The following RBFOX3 variants were observed in gnomAD, a reference collection of about 807,000 sequenced individuals.
RBFOX3 encodes the protein RNA binding protein fox-1 homolog 3.
In RBFOX3, 17 loss-of-function variants were observed where a neutral mutation model predicts 48.7. The observed-to-expected ratio is 0.35, with a 90% confidence interval of 0.24 to 0.52. RBFOX3 has a LOEUF of 0.52. Ranked by LOEUF, RBFOX3 falls within the 20% of genes least tolerant of loss-of-function variation. RBFOX3 has a pLI of 0.94. For missense variants in RBFOX3, 382 were observed against 497.5 expected, an observed-to-expected ratio of 0.77 and a Z score of 2.21; for synonymous variants, 212 against 209.5, an observed-to-expected ratio of 1.01 and a Z score of -0.10.
intron 1 of RBFOX3, among the ~76,000 whole-genome samples, chr17:79,503,452 T>C (rs4790063): frequency 0.61 from 92,485 of 152,118 alleles, 28,572 homozygotes; most frequent in South Asian, 0.66. Flanking sequence ...GTATTTAACG[T>C]AATATATTCA....
intron 4 of RBFOX3, among the ~76,000 whole-genome samples, chr17:79,117,149 C>T (rs959970705): frequency 1.3e-5 from 2 of 152,242 alleles, no homozygotes; most frequent in African/African-American, 2.4e-5. Context: ...CCAGGACCCC[C>T]TGAGCAGGCG....
At chr17:79,466,945 A>G (rs113653237) in intron 2 of RBFOX3, among the ~76,000 whole-genome samples, 4,525 of 152,274 alleles carry the variant, frequency 0.03, 223 homozygotes, top group African/African-American at 0.1. Flanking sequence ...TCTCCATGAC[A>G]TCATAACAGG....
At chr17:79,168,609 A>C (rs2048504657) in intron 4 of RBFOX3, among the ~76,000 whole-genome samples, 1 of 152,164 alleles carries the variant, frequency 6.6e-6, no homozygotes, top group East Asian at 1.9e-4. Flanking sequence ...GGGGTCACTG[A>C]GCAGGTGTGG....
At chr17:79,130,307 C>T (rs1250633760) in intron 4 of RBFOX3, among the ~76,000 whole-genome samples, 2 of 152,200 alleles carry the variant, frequency 1.3e-5, no homozygotes, top group African/African-American at 4.8e-5. Flanking sequence ...AGAGCCTGCC[C>T]CCGCCCCTCA....
At chr17:79,227,942 C>G (rs545144644) in intron 4 of RBFOX3, among the ~76,000 whole-genome samples, 7 of 152,202 alleles carry the variant, frequency 4.6e-5, no homozygotes, top group Non-Finnish European at 1.0e-4. Flanking sequence ...TAAAACCCAC[C>G]TTCTTTGTGG....
chr17:79,431,135 G>A (rs2068364932), intron 2 of RBFOX3, among the ~76,000 whole-genome samples: 1 of 152,182 alleles, frequency 6.6e-6, no homozygotes, highest in African/African-American at 2.4e-5. Flanking sequence ...ACATGAAAAG[G>A]ATCGGGGAAT....
Position 79,212,703 on chromosome 17 carries a change from A to G in RBFOX3, c.-34+23063T>C, listed in dbSNP as rs907210758. On this transcript the variant is annotated intron_variant, in intron 4 of 14. Transcript: ENST00000693108. The surrounding 1 kb of genome is among the most constrained non-coding windows in gnomAD (Gnocchi z 4.7). ...AAATGTCGCTGACAGTCCCCACACTACCACTTGTTTCCCCTTTTGTCCTAG... is the reference window on the plus strand; with the variant it reads ...AAATGTCGCTGACAGTCCCCACACTGCCACTTGTTTCCCCTTTTGTCCTAG... 4.1e-4 allele frequency among the ~76,000 whole-genome samples: 63 copies of G among 152,096 alleles called. No individual in the cohort carries two copies. Among genetic ancestry groups the G allele is most frequent in the African/African-American group, 1.4e-3 (60 of 41,510 alleles).
intron 3 of RBFOX3, among the ~76,000 whole-genome samples, chr17:79,251,052 C>T (rs561255768): frequency 1.4e-3 from 215 of 152,202 alleles, no homozygotes; most frequent in Admixed American, 2.5e-3. Context: ...ACCCACCTGC[C>T]TCTGCCTCCC....
At chr17:79,505,207 C>T (rs909216254) in intron 1 of RBFOX3, among the ~76,000 whole-genome samples, 3,819 of 152,208 alleles carry the variant, frequency 0.025, 176 homozygotes, top group African/African-American at 0.089. Flanking sequence ...CCATCATGAT[C>T]GCTTCAGAAG....
upstream of RBFOX3, among the ~76,000 whole-genome samples, chr17:79,612,279 G>T (rs2093975055): frequency 6.6e-6 from 1 of 152,214 alleles, no homozygotes; most frequent in South Asian, 2.1e-4. Context: ...CCGTCCCCAT[G>T]TCACTTTTGC....
At chr17:79,396,624 C>T (rs1413514082) in intron 2 of RBFOX3, among the ~76,000 whole-genome samples, 2 of 152,190 alleles carry the variant, frequency 1.3e-5, no homozygotes, top group Non-Finnish European at 2.9e-5. Flanking sequence ...GCTGGCCACC[C>T]CGTCATTATC....
chr17:79,255,225 G>A (rs1301195092), intron 3 of RBFOX3, among the ~76,000 whole-genome samples: 3 of 89,538 alleles, frequency 3.4e-5, no homozygotes, highest in East Asian at 5.4e-4. Flanking sequence ...ATGTGTGCGT[G>A]TGTGTGTGTG....
At position 79,412,430 on chromosome 17, in the gene RBFOX3, CAT is replaced by C. The variant is rs201663838; in HGVS notation, c.-175+70022_-175+70023del. 3.6e-3 allele frequency among the ~76,000 whole-genome samples: 537 copies of C among 149,052 alleles called. 2 individuals are homozygous for C. Among genetic ancestry groups the C allele is most frequent in the African/African-American group, 0.013 (514 of 40,292 alleles). On this transcript the variant is annotated intron_variant, in intron 2 of 14. Coordinates refer to ENST00000693108, the MANE Select transcript of RBFOX3 (RefSeq NM_001350451.2). ...TGAGTGAATGTGTGTGAGGTGTATA[CAT>C]GTGTGTGATATGTGTGAGCGTATTG...
In RBFOX3 at chr17:79,115,549, T is replaced by C; in HGVS notation, c.167A>G (p.Glu56Gly). The C allele has an allele frequency of 7.5e-7, 1 of 1,335,274 alleles. No individual in the cohort carries two copies. 82.7% of individuals were successfully genotyped at this position (1,335,274 alleles called of 1,614,324 possible). Residue 56 changes from glutamate to glycine, a missense_variant, in exon 5 of 15, where the codon GAG (glutamate) becomes GGG (glycine). Around this residue, in one of 3 missense-constraint regions of RBFOX3, gnomAD observed 118 missense variants for 132.1 expected, o/e 0.89. Transcript: ENST00000693108. The part of the protein sequence containing the change: ...TLYTPAQTHP[E>G]QPGSEASTQP... ...TGTGCTGGCCTCGGAGCCTGGCTGC[T>C]CGGGGTGGGTCTGTGCTGGTGTGTA...
chr17:79,638,309 T>G, the RBFOX3 span, among the ~76,000 whole-genome samples: 1 of 93,238 alleles, frequency 1.1e-5, no homozygotes, highest in Admixed American at 1.1e-4. Flanking sequence ...AGTTGGTTTT[T>G]TTTTTTTTTT....
chr17:79,605,186 T>C (rs2093798492), intron 1 of RBFOX3, among the ~76,000 whole-genome samples: 1 of 152,130 alleles, frequency 6.6e-6, no homozygotes, highest in African/African-American at 2.4e-5. Context: ...CGGGTTACCT[T>C]TGTTTGTTTG....
intron 2 of RBFOX3, among the ~76,000 whole-genome samples, chr17:79,465,578 C>CA (rs34170241): frequency 0.059 from 7,959 of 134,376 alleles, 504 homozygotes; most frequent in African/African-American, 0.16. Flanking sequence ...CACACATGCA[C>CA]AAAAAAAAAA....
chr17:79,362,961 A>G lies in RBFOX3; in HGVS notation c.-174-55137T>C, dbSNP rs2057204036. ...GGTGATGTCCTGTCCTGAGTCCAGG[A>G]CCCCTCTAGGGTTGGAGCGGGGTAA... On this transcript the variant is annotated intron_variant, in intron 2 of 14. Transcript: ENST00000693108. This position sits in a 1 kb window ranked among gnomAD's most constrained non-coding sequence, Gnocchi z 4.2. Among the ~76,000 whole-genome samples, 1 of 151,960 alleles carries G rather than the reference A, an allele frequency of 6.6e-6. No homozygotes were observed. The highest frequency in any genetic ancestry group is 1.5e-5 in the Non-Finnish European group (1 of 67,994).
chr17:79,479,465 G>C lies in RBFOX3; in HGVS notation c.-175+2989C>G, dbSNP rs2078461244. ...TTGCTCTGAGGGGCTTCCTCTCAGAGGGGCTTCCTTCTCTCCCCTTGACCT... is the reference window on the plus strand; with the variant it reads ...TTGCTCTGAGGGGCTTCCTCTCAGACGGGCTTCCTTCTCTCCCCTTGACCT... On this transcript the variant is annotated intron_variant, in intron 2 of 14. Coordinates refer to ENST00000693108, the MANE Select transcript of RBFOX3 (RefSeq NM_001350451.2). This position sits in a 1 kb window ranked among gnomAD's most constrained non-coding sequence, Gnocchi z 5.1. Among the ~76,000 whole-genome samples the C allele has an allele frequency of 6.6e-6, 1 of 152,208 alleles. No homozygotes were observed. Among genetic ancestry groups the C allele is most frequent in the African/African-American group, 2.4e-5 (1 of 41,466 alleles).
Sources: gnomAD v4.1 joint callset for allele counts (sites outside exome capture counted in the v4.1 genomes callset) on GRCh38, gnomAD v4.1.1 for gene constraint, gnomAD v4.1.1 regional missense constraint, Gnocchi (gnomAD v3.1) non-coding constraint, MANE v1.5 for transcripts, NCBI Gene and HGNC (gene_info 2026-07-23, HGNC 2026-07-21) for gene names.